RRN3: variants seen among roughly 807,000 people sequenced by gnomAD.
The protein encoded by RRN3 is RNA polymerase I transcription factor RRN3, also known as RNA polymerase I-specific transcription initiation factor RRN3.
Under a neutral mutation model 82.3 loss-of-function variants are expected in RRN3, and 38 were observed. The observed-to-expected ratio is 0.46, with a 90% CI of 0.36 to 0.61. RRN3 has a LOEUF of 0.61. Among genes scored for constraint, RRN3 ranks in the 20% least tolerant of loss-of-function variants. The probability of loss-of-function intolerance (pLI) is 0.00; values close to 1 mark genes in which losing one functional copy is unlikely to be tolerated. For missense variants in RRN3, 726 were observed against 793.1 expected, an observed-to-expected ratio of 0.92 and a Z score of 1.02; for synonymous variants, 284 against 284.3, an observed-to-expected ratio of 1.00 and a Z score of 0.01.
At position 15,060,904 on chromosome 16, in the gene RRN3, G is replaced by A. The variant is rs1292449567; in HGVS notation, c.*840C>T. Reference sequence around the variant, plus strand: ...TCGATCTAATGGCCACCAAGGAGCAGTTCTAGATCTAAGGGGACACTTGAG... The same window carrying A: ...TCGATCTAATGGCCACCAAGGAGCAATTCTAGATCTAAGGGGACACTTGAG... On this transcript the variant is annotated 3_prime_UTR_variant, in exon 18 of 18. Transcript: ENST00000198767. 1 of 152,228 alleles carries A rather than the reference G, an allele frequency of 6.6e-6. No individual in the cohort carries two copies. Among genetic ancestry groups the A allele is most frequent in the Non-Finnish European group, 1.5e-5 (1 of 68,052 alleles). 9.4% of individuals were successfully genotyped at this position (152,228 alleles called of 1,614,324 possible).
chr16:15,083,391 T>A (rs566798031), intron 8 of RRN3, 122 bp downstream of exon 8: 394 of 1,442,370 alleles, frequency 2.7e-4, no homozygotes, highest in Non-Finnish European at 3.5e-4. Flanking sequence ...AGAGTGAGAC[T>A]CGGTCTCAAA....
chr16:15,092,481 G>T lies in RRN3; in HGVS notation c.195+28C>A, dbSNP rs779357454. ...TAGTTGTATTCTGACCTAACCAAAA[G>T]CAAACCTCACACATTATCTCCCCTT... On this transcript the variant is annotated intron_variant, in intron 2 of 17. Transcript: ENST00000198767. The T allele has an allele frequency of 3.6e-5, 54 of 1,488,300 alleles. No homozygotes were observed. The African/African-American group carries it at 6.9e-4, about 19-fold the overall frequency. 92.2% of individuals were successfully genotyped at this position (1,488,300 alleles called of 1,614,324 possible). A position where few individuals can be genotyped will look rare whatever the true frequency, so the allele number is the denominator to read the frequency against.
Position 15,079,868 on chromosome 16 carries a change from A to T in RRN3, c.765+130T>A, listed in dbSNP as rs542721099. 1.3e-4 allele frequency: 139 copies of T among 1,073,434 alleles called. No homozygotes were observed. In the East Asian group the frequency reaches 3.3e-3, roughly 26 times the overall value. The allele number at this position is 1,073,434 out of a possible 1,614,324, so 66.5% of individuals were successfully genotyped here. A position where few individuals can be genotyped will look rare whatever the true frequency, so the allele number is the denominator to read the frequency against. ...TGCCTCGGCCTCCCAAAGTGCTGGGAATACAGGCGTGAGTCACCACGCCTG... is the reference window on the plus strand; with the variant it reads ...TGCCTCGGCCTCCCAAAGTGCTGGGTATACAGGCGTGAGTCACCACGCCTG... On this transcript the variant is annotated intron_variant, in intron 9 of 17. Transcript: ENST00000198767.
At position 15,083,518 on chromosome 16, in the gene RRN3, T is replaced by C. The variant is rs2045789670; in HGVS notation, c.661A>G (p.Thr221Ala). The C allele has an allele frequency of 1.2e-6, 2 of 1,609,010 alleles. No individual in the cohort carries two copies. The highest frequency in any genetic ancestry group is 1.7e-6 in the Non-Finnish European group (2 of 1,179,100). The change falls in exon 8 of 18, where the codon ACA becomes GCA. Residue 221 changes from threonine (T) to alanine (A), a missense_variant. Around this residue, in one of 4 missense-constraint regions of RRN3, gnomAD observed 344 missense variants for 394.5 expected, o/e 0.87. Transcript: ENST00000198767. ...KFPFVRKSERTLECYVHNLLR... is the reference protein window; with the variant it reads ...KFPFVRKSERALECYVHNLLR... ...TCAATGAAAAGATTTCTTACCAGTGTTCTCTCTGATTTTCGAACAAATGGA... is the reference window on the plus strand; with the variant it reads ...TCAATGAAAAGATTTCTTACCAGTGCTCTCTCTGATTTTCGAACAAATGGA...
chr16:15,075,792 G>A (rs1442432777), intron 10 of RRN3, among the ~76,000 whole-genome samples: 1 of 152,132 alleles, frequency 6.6e-6, no homozygotes, highest in Non-Finnish European at 1.5e-5. Flanking sequence ...CATGGCGGGT[G>A]CTTTTGGTGC....
intron 12 of RRN3, among the ~76,000 whole-genome samples, chr16:15,072,569 G>C (rs1408433570): frequency 1.3e-5 from 2 of 152,098 alleles, no homozygotes; most frequent in Non-Finnish European, 2.9e-5. Context: ...TGCGGGGCAG[G>C]AGGCGGGCAG....
chr16:15,090,259 C>T (rs1189440074), intron 3 of RRN3, among the ~76,000 whole-genome samples: 1 of 151,766 alleles, frequency 6.6e-6, no homozygotes, highest in Non-Finnish European at 1.5e-5. Flanking sequence ...ACATGGGTAA[C>T]CTGTCAGGGT....
chr16:15,067,058 C>G (rs1200490666), intron 15 of RRN3, among the ~76,000 whole-genome samples: 3 of 143,170 alleles, frequency 2.1e-5, no homozygotes, highest in Non-Finnish European at 4.6e-5. Flanking sequence ...GTGCTGAAGC[C>G]TCCACCCACT....
intron 3 of RRN3, among the ~76,000 whole-genome samples, chr16:15,088,215 G>C (rs2045984742): frequency 6.6e-6 from 1 of 152,142 alleles, no homozygotes; most frequent in Non-Finnish European, 1.5e-5. Context: ...GCTCATGCCT[G>C]TAATCCCAGC....
chr16:15,071,398 G>A, intron 12 of RRN3, 147 bp from the exon 13 acceptor site: 1 of 782,732 alleles, frequency 1.3e-6, no homozygotes, highest in Non-Finnish European at 2.0e-6. Context: ...AAAACACATT[G>A]AGAGAATATC....
intron 15 of RRN3, among the ~76,000 whole-genome samples, chr16:15,067,243 C>G (rs1185795284): frequency 6.6e-6 from 1 of 151,652 alleles, no homozygotes; most frequent in Non-Finnish European, 1.5e-5. Flanking sequence ...ATGATCCGGC[C>G]TAAATATCCT....
intron 14 of RRN3, among the ~76,000 whole-genome samples, chr16:15,068,790 A>G (rs2045094066): frequency 6.6e-6 from 1 of 152,256 alleles, no homozygotes; most frequent in Non-Finnish European, 1.5e-5. Context: ...AAATTTAGAC[A>G]GAAACCACTT....
intron 14 of RRN3, among the ~76,000 whole-genome samples, chr16:15,068,670 G>C (rs999766340): frequency 1.3e-5 from 2 of 152,228 alleles, no homozygotes; most frequent in African/African-American, 4.8e-5. Flanking sequence ...ATTCTAGCTT[G>C]CATGTCTTGT....
intron 3 of RRN3, among the ~76,000 whole-genome samples, chr16:15,088,216 T>C (rs1761951437): frequency 6.6e-6 from 1 of 152,088 alleles, no homozygotes; most frequent in Admixed American, 6.6e-5. Context: ...CTCATGCCTG[T>C]AATCCCAGCA....
At position 15,091,339 on chromosome 16, in the gene RRN3, G is replaced by A. The variant is rs201298856; in HGVS notation, c.228C>T (p.Asn76=). The A allele has an allele frequency of 1.3e-6, 2 of 1,590,114 alleles. No homozygotes were observed. Among genetic ancestry groups the A allele is most frequent in the Non-Finnish European group, 1.7e-6 (2 of 1,164,604 alleles). Residue 76 remains asparagine (N), a synonymous_variant, in exon 3 of 18, where the codon AAC becomes AAT. Transcript: ENST00000198767. ...CCTTTATGTCTGGATCTAACAGCTG[G>A]TTCTTCAACAACTCAAAGTCATTTG... ...GETNDFELLK[N]QLLDPDIKDD... is the part of the protein sequence containing the mutation.
At chr16:15,090,400 T>TTAG (rs2046084787) in intron 3 of RRN3, among the ~76,000 whole-genome samples, 1 of 152,160 alleles carries the variant, frequency 6.6e-6, no homozygotes, top group Admixed American at 6.5e-5. Flanking sequence ...TAAGTGCTTC[T>TTAG]TGCATATTAG....
Position 15,072,978 on chromosome 16 carries a change from A to G in RRN3, c.1100T>C (p.Phe367Ser), listed in dbSNP as rs1310493405. The change falls in exon 12 of 18, where the codon TTC (phenylalanine) becomes TCC (serine). Residue 367 changes from phenylalanine to serine, a missense_variant. Around this residue, in one of 4 missense-constraint regions of RRN3, gnomAD observed 344 missense variants for 394.5 expected, o/e 0.87. Coordinates refer to ENST00000198767, the MANE Select transcript of RRN3 (RefSeq NM_018427.5). ...TTTGAAACTACAGAGGTAAAACATG[A>G]AAAACTGTACATGGCAGGAGGCATG... ...PTHASCHVQF[F>S]MFYLCSFKLG... The G allele has an allele frequency of 3.7e-6, 6 of 1,613,668 alleles. No homozygotes were observed. The highest frequency in any genetic ancestry group is 5.1e-6 in the Non-Finnish European group (6 of 1,179,940).
chr16:15,094,145 C>A lies in RRN3; in HGVS notation c.89G>T (p.Gly30Val). Reference sequence around the variant, plus strand: ...CAGAAGGAAGCGGCCTGAATCTTACCCAGTCCTCGACGCGCCCAGCTTCTT... The same window carrying A: ...CAGAAGGAAGCGGCCTGAATCTTACACAGTCCTCGACGCGCCCAGCTTCTT... ...AVKKLGASRT[G>V]ISNMRALEND... The change falls in exon 1 of 18, where the codon GGG becomes GTG. Residue 30 changes from glycine to valine, a missense_variant and splice_region_variant. Gly to Val is a moderately radical substitution (Grantham distance 109, BLOSUM62 -3). This residue lies in a region of RRN3 where 135 missense variants were observed against 87.4 expected (regional missense o/e 1.55). Transcript: ENST00000198767. The A allele has an allele frequency of 6.3e-7, 1 of 1,595,720 alleles. No homozygotes were observed. Among genetic ancestry groups the A allele is most frequent in the African/African-American group, 1.3e-5 (1 of 74,878 alleles).
chr16:15,086,113 C>T lies in RRN3; in HGVS notation c.472+16G>A, dbSNP rs1467404145. On this transcript the variant is annotated intron_variant, in intron 5 of 17. Transcript: ENST00000198767. The stretch of plus-strand genomic sequence containing the variant: ...GAAGTATTAAAAAGAAAATAAAATT[C>T]CAAGCAATGACTTACGAGGCACAAA... 5.6e-6 allele frequency: 9 copies of T among 1,604,690 alleles called. No homozygotes were observed. Among genetic ancestry groups the T allele is most frequent in the South Asian group, 2.2e-5 (2 of 89,586 alleles).
Sources: allele counts gnomAD v4.1 joint callset (sites outside exome capture counted in the v4.1 genomes callset), GRCh38; gene constraint gnomAD v4.1.1; regional missense constraint gnomAD v4.1.1; transcripts MANE v1.5; gene names NCBI Gene and HGNC (gene_info 2026-07-23, HGNC 2026-07-21).